The following TMC2 variants were observed in gnomAD, a reference collection of about 807,000 sequenced individuals.
TMC2 encodes the protein transmembrane channel like 2, also known as transmembrane channel-like protein 2.
In TMC2, 102 loss-of-function variants were observed where a neutral mutation model predicts 105.9. That is an observed-to-expected ratio of 0.96 (90% confidence interval 0.82 to 1.14). TMC2 has a LOEUF of 1.14. Ranked by LOEUF, TMC2 falls within the 50% of genes most tolerant of loss-of-function variation. TMC2 has a pLI of 0.00. For missense variants in TMC2, 1,093 were observed against 1,134.3 expected (o/e 0.96, Z 0.52); for synonymous variants, 402 against 422.8 (o/e 0.95, Z 0.60).
At chr20:2,621,241 A>G (rs1236050887) in intron 16 of TMC2, among the ~76,000 whole-genome samples, 1 of 152,080 alleles carries the variant, frequency 6.6e-6, no homozygotes, top group Non-Finnish European at 1.5e-5. Flanking sequence ...GCGTGCCTGT[A>G]ATCCCAGCTA....
chr20:2,590,368 C>A (rs1189156654), intron 7 of TMC2, among the ~76,000 whole-genome samples: 1 of 152,032 alleles, frequency 6.6e-6, no homozygotes, highest in Admixed American at 6.5e-5. Context: ...GTTTCTTAAG[C>A]TAGCTAGTGG....
intron 11 of TMC2, among the ~76,000 whole-genome samples, chr20:2,605,604 G>A (rs1423232627): frequency 6.6e-6 from 1 of 152,184 alleles, no homozygotes; most frequent in African/African-American, 2.4e-5. Flanking sequence ...TCTCCAAATA[G>A]TCACATTGAG....
intron 2 of TMC2, among the ~76,000 whole-genome samples, chr20:2,542,698 AT>A (rs34716851): frequency 1.0e-3 from 140 of 135,794 alleles, no homozygotes; most frequent in Middle Eastern, 3.7e-3. Context: ...TTAGTCCACA[AT>A]TTTTTTTTTT....
intron 10 of TMC2, among the ~76,000 whole-genome samples, chr20:2,598,197 G>GGAA (rs1555775015): frequency 7.6e-6 from 1 of 132,404 alleles, no homozygotes; most frequent in Non-Finnish European, 1.6e-5. Flanking sequence ...CTAGTGAAAT[G>GGAA]AAAAAAAAAA....
At chr20:2,610,803 T>C (rs2086432357) in intron 12 of TMC2, among the ~76,000 whole-genome samples, 1 of 152,152 alleles carries the variant, frequency 6.6e-6, no homozygotes, top group Non-Finnish European at 1.5e-5. Flanking sequence ...TACTGTCCTT[T>C]TCTCTGGTTG....
intron 2 of TMC2, among the ~76,000 whole-genome samples, chr20:2,548,727 C>A (rs935730784): frequency 6.6e-6 from 1 of 151,880 alleles, no homozygotes; most frequent in East Asian, 1.9e-4. Flanking sequence ...CTTTATAATA[C>A]CTAAAAATCT....
chr20:2,601,064 C>T (rs1292065447), intron 10 of TMC2, among the ~76,000 whole-genome samples: 1 of 146,936 alleles, frequency 6.8e-6, no homozygotes, highest in Non-Finnish European at 1.5e-5. Flanking sequence ...AATTCCTAGA[C>T]ATAAATTTAA....
chr20:2,571,004 A>G (rs2086099087), intron 4 of TMC2, among the ~76,000 whole-genome samples: 1 of 152,216 alleles, frequency 6.6e-6, no homozygotes, highest in Non-Finnish European at 1.5e-5. Flanking sequence ...TCAGCACAAG[A>G]TGGATTAAAT....
At chr20:2,613,142 G>A in intron 13 of TMC2, 52 bp from the exon 14 acceptor site, 4 of 1,580,632 alleles carry the variant, frequency 2.5e-6, no homozygotes, top group Non-Finnish European at 3.4e-6. Context: ...AGGGAGGGTG[G>A]GAGAAGTGGG....
intron 7 of TMC2, among the ~76,000 whole-genome samples, chr20:2,591,756 AAAAGG>A (rs1243202541): frequency 2.2e-4 from 33 of 151,066 alleles, no homozygotes; most frequent in African/African-American, 7.0e-4. Context: ...AAAAGAAAAG[AAAAGG>A]AAAGGAAAAG....
chr20:2,612,302 G>A lies in TMC2; in HGVS notation c.1705G>A (p.Val569Met). Residue 569 changes from valine to methionine, a missense_variant, in exon 13 of 20, where the codon GTG becomes ATG. By Grantham distance (21) the Val-to-Met change is conservative. Transcript: ENST00000358864. ...CCGACCACCCCTGCACCCTGCAGAT[G>A]TGCCCCGGGGTTCTTGCTGGGAGAC... ...VPRPPLHPADVPRGSCWETAV... is the reference protein window; with the variant it reads ...VPRPPLHPADMPRGSCWETAV... 1.3e-6 allele frequency: 2 copies of A among 1,592,074 alleles called. No individual in the cohort carries two copies. Among genetic ancestry groups the A allele is most frequent in the South Asian group, 1.1e-5 (1 of 87,056 alleles).
chr20:2,637,473 G>A lies in TMC2; in HGVS notation c.2386-1G>A. The stretch of plus-strand genomic sequence containing the variant: ...GACCAACAGTTCATTATTTCCTGCA[G>A]CTCCGTGAAGTTGAGAAGAGTCACA... On this transcript the variant is annotated splice_acceptor_variant, in intron 18 of 19. Transcript: ENST00000358864. LOFTEE classifies it high-confidence loss of function. 6.2e-7 allele frequency: 1 copy of A among 1,603,154 alleles called. No individual in the cohort carries two copies. Among genetic ancestry groups the A allele is most frequent in the African/African-American group, 1.3e-5 (1 of 74,612 alleles).
At chr20:2,631,385 A>T (rs1043290446) in intron 17 of TMC2, among the ~76,000 whole-genome samples, 8 of 152,238 alleles carry the variant, frequency 5.3e-5, no homozygotes, top group African/African-American at 1.9e-4. Flanking sequence ...TGTAGATTCA[A>T]GTTACTGTCT....
chr20:2,583,198 G>A (rs1449135858), intron 7 of TMC2, among the ~76,000 whole-genome samples: 1 of 152,188 alleles, frequency 6.6e-6, no homozygotes, highest in Non-Finnish European at 1.5e-5. Flanking sequence ...ATGTCCTTAT[G>A]TAACGCCTCC....
intron 17 of TMC2, among the ~76,000 whole-genome samples, chr20:2,635,669 G>C (rs1169658464): frequency 6.6e-5 from 10 of 152,216 alleles, no homozygotes; most frequent in Non-Finnish European, 1.5e-5. Context: ...TCCCAGAAGA[G>C]GGATGATTCC....
intron 2 of TMC2, among the ~76,000 whole-genome samples, chr20:2,551,505 T>A (rs2085956825): frequency 6.6e-6 from 1 of 152,092 alleles, no homozygotes; most frequent in Admixed American, 6.5e-5. Flanking sequence ...ATGCTTTTGG[T>A]ATCGTATTTT....
intron 12 of TMC2, 110 bp from the exon 13 acceptor site, chr20:2,612,081 C>A (rs757689390): frequency 1.3e-5 from 15 of 1,119,952 alleles, no homozygotes; most frequent in African/African-American, 3.1e-5. Flanking sequence ...CAGGGGAGAG[C>A]AGAAGCTAGA....
chr20:2,572,155 G>GTT (rs1211583655), intron 4 of TMC2, 24 bp from the exon 5 acceptor site: 1 of 1,365,262 alleles, frequency 7.3e-7, no homozygotes, highest in Non-Finnish European at 1.0e-6. Flanking sequence ...CTGAAATCCT[G>GTT]CTTTTTTTTT....
At chr20:2,589,230 C>A (rs6050405) in intron 7 of TMC2, among the ~76,000 whole-genome samples, 59,327 of 146,968 alleles carry the variant, frequency 0.4, 13,627 homozygotes, top group Admixed American at 0.51. Context: ...CAGGCCTCAA[C>A]TAAAAGCTTG....
Sources: gnomAD v4.1 joint callset for allele counts (sites outside exome capture counted in the v4.1 genomes callset) on GRCh38, gnomAD v4.1.1 for gene constraint, MANE v1.5 for transcripts, NCBI Gene and HGNC (gene_info 2026-07-23, HGNC 2026-07-21) for gene names.